The following AGFG1 variants were observed in gnomAD, a reference collection of about 807,000 sequenced individuals.
The protein encoded by AGFG1 is ArfGAP with FG repeats 1.
In AGFG1, 10 loss-of-function variants were observed where a neutral mutation model predicts 60.6. The ratio of observed to expected loss-of-function variants is 0.16; its 90% CI spans 0.10 to 0.28. The LOEUF (loss-of-function observed/expected upper bound fraction) is 0.28. Among genes scored for constraint, AGFG1 ranks in the 10% least tolerant of loss-of-function variants. The pLI is 1.00. For synonymous variants in AGFG1, 247 were observed against 242.9 expected (o/e 1.02, Z -0.16); for missense variants, 537 against 676.5 (o/e 0.79, Z 2.29).
At chr2:227,520,644 T>C (rs1049457347) in intron 3 of AGFG1, among the ~76,000 whole-genome samples, 2 of 152,228 alleles carry the variant, frequency 1.3e-5, no homozygotes, top group African/African-American at 4.8e-5. Context: ...GTTGTACATA[T>C]AGCTAGTAAG....
intron 2 of AGFG1, among the ~76,000 whole-genome samples, chr2:227,516,794 T>G (rs997987381): frequency 6.6e-6 from 1 of 152,192 alleles, no homozygotes. Flanking sequence ...TTAAAAGTGG[T>G]ATGTGGCAGA....
At chr2:227,521,061 C>G (rs1303580389) in intron 3 of AGFG1, among the ~76,000 whole-genome samples, 1 of 91,902 alleles carries the variant, frequency 1.1e-5, no homozygotes, top group Non-Finnish European at 2.2e-5. Context: ...CCAAAATAGA[C>G]TACATTTTTC....
intron 5 of AGFG1, among the ~76,000 whole-genome samples, chr2:227,529,462 A>G (rs1692098243): frequency 1.3e-5 from 2 of 152,118 alleles, no homozygotes; most frequent in South Asian, 4.1e-4. Flanking sequence ...TTGTAGGGAA[A>G]CTTTTTCTTT....
chr2:227,531,358 A>T, intron 6 of AGFG1, 148 bp downstream of exon 6: 2 of 939,986 alleles, frequency 2.1e-6, no homozygotes, highest in Non-Finnish European at 3.1e-6. Context: ...GGAAACCTGA[A>T]CTCTTTATTT....
chr2:227,500,319 A>C (rs1207602801), intron 2 of AGFG1, among the ~76,000 whole-genome samples: 1 of 152,144 alleles, frequency 6.6e-6, no homozygotes, highest in Admixed American at 6.5e-5. Flanking sequence ...CTTTCCAAGG[A>C]TGGAGTGTCT....
chr2:227,484,676 A>AGTTTCTTTTTT (rs1690565975), intron 1 of AGFG1, among the ~76,000 whole-genome samples: 1 of 99,520 alleles, frequency 1.0e-5, no homozygotes, highest in Non-Finnish European at 2.0e-5. Context: ...AAGATCTCTT[A>AGTTTCTTTTTT]GTTTTTTTTT....
rs1681204215 is a variant in AGFG1, at chr2:227,559,137, A to G, written c.*4642A>G. ...TATAGGGGTTGCACATTCAAGGCTTACACTGAATTCTGTCTGCAGTTCTGT... is the reference window on the plus strand; with the variant it reads ...TATAGGGGTTGCACATTCAAGGCTTGCACTGAATTCTGTCTGCAGTTCTGT... On this transcript the variant is annotated 3_prime_UTR_variant, in exon 13 of 13. Coordinates refer to ENST00000310078, the MANE Select transcript of AGFG1 (RefSeq NM_004504.5). 6.6e-6 allele frequency: 1 copy of G among 152,238 alleles called. No homozygotes were observed. The highest frequency in any genetic ancestry group is 2.4e-5 in the African/African-American group (1 of 41,470). 9.4% of individuals were successfully genotyped at this position (152,238 alleles called of 1,614,324 possible).
chr2:227,552,635 G>A (rs1230214960), intron 11 of AGFG1, among the ~76,000 whole-genome samples: 1 of 150,368 alleles, frequency 6.7e-6, no homozygotes, highest in East Asian at 1.9e-4. Context: ...GCATAGATTT[G>A]AAGATTCTTG....
intron 2 of AGFG1, among the ~76,000 whole-genome samples, chr2:227,494,135 T>G (rs558069406): frequency 1.3e-5 from 2 of 152,342 alleles, no homozygotes; most frequent in Non-Finnish European, 2.9e-5. Flanking sequence ...TTCTTTACAG[T>G]ATTAACAGTA....
rs1233432080 is a variant in AGFG1 at position 227,533,694 on chromosome 2, T to C, written c.960T>C (p.Gly320=). 9 of 1,613,730 alleles carry C rather than the reference T, an allele frequency of 5.6e-6. No individual in the cohort carries two copies. The highest frequency in any genetic ancestry group is 7.6e-6 in the Non-Finnish European group (9 of 1,179,844). ...GTAAAGTTTCAACGAACAAAGCTGG[T>C]TTACAGACTGCAGACAAATATGCAG... is the stretch of plus-strand genomic sequence containing the variant. ...AVSKVSTNKA[G]LQTADKYAAL... is the part of the protein sequence containing the mutation. The change falls in exon 7 of 13, where the codon GGT becomes GGC. Residue 320 remains glycine, a synonymous_variant. Transcript: ENST00000310078.
At chr2:227,530,968 A>G (rs1692139846) in intron 5 of AGFG1, 123 bp from the exon 6 acceptor site, 3 of 914,642 alleles carry the variant, frequency 3.3e-6, no homozygotes, top group Non-Finnish European at 4.6e-6. Context: ...TGCTAAGTGA[A>G]TTCTCTATAA....
chr2:227,517,598 G>C (rs2106201777), intron 2 of AGFG1, among the ~76,000 whole-genome samples: 1 of 152,246 alleles, frequency 6.6e-6, no homozygotes, highest in Non-Finnish European at 1.5e-5. Context: ...ACAGATTTGG[G>C]GACATGATAG....
At chr2:227,509,140 A>G (rs1377988681) in intron 2 of AGFG1, among the ~76,000 whole-genome samples, 2 of 152,212 alleles carry the variant, frequency 1.3e-5, no homozygotes, top group African/African-American at 4.8e-5. Context: ...ATACATTTTA[A>G]CCAAATAATC....
rs1693077508 is a variant in AGFG1 at position 227,559,577 on chromosome 2, A to G, written c.*5082A>G. On this transcript the variant is annotated 3_prime_UTR_variant, in exon 13 of 13. Coordinates refer to ENST00000310078, the MANE Select transcript of AGFG1 (RefSeq NM_004504.5). ...GAATGTTGTGATTTGAGCTTTTATA[A>G]AAAAAGATAAGTGATCCTAGATAAA... 1 of 152,158 alleles carries G rather than the reference A, an allele frequency of 6.6e-6. No individual in the cohort carries two copies. Among genetic ancestry groups the G allele is most frequent in the Admixed American group, 6.5e-5 (1 of 15,268 alleles). 9.4% of individuals were successfully genotyped at this position (152,158 alleles called of 1,614,324 possible). A position where few individuals can be genotyped will look rare whatever the true frequency, so the allele number is the denominator to read the frequency against.
At chr2:227,536,785 A>G (rs1470467571) in intron 9 of AGFG1, 81 bp downstream of exon 9, 1 of 1,565,394 alleles carries the variant, frequency 6.4e-7, no homozygotes, top group Non-Finnish European at 8.8e-7. Context: ...GAGTCAAAGC[A>G]ATGATTTGTT....
intron 10 of AGFG1, among the ~76,000 whole-genome samples, chr2:227,544,966 G>T (rs760351337): frequency 7.2e-5 from 11 of 152,072 alleles, no homozygotes; most frequent in South Asian, 2.1e-4. Context: ...GATTATCTTT[G>T]TGGTGTTCTC....
At chr2:227,535,377 A>T (rs1264988909) in intron 8 of AGFG1, among the ~76,000 whole-genome samples, 1 of 152,226 alleles carries the variant, frequency 6.6e-6, no homozygotes, top group African/African-American at 2.4e-5. Flanking sequence ...AGTCATGATG[A>T]TTAAACAGTG....
At chr2:227,526,495 C>T (rs187906745) in intron 5 of AGFG1, among the ~76,000 whole-genome samples, 2 of 150,254 alleles carry the variant, frequency 1.3e-5, no homozygotes, top group Admixed American at 1.3e-4. Flanking sequence ...ACCTTGGCCT[C>T]CCAAAGTGCT....
At chr2:227,532,613 GT>G (rs1448500390) in intron 6 of AGFG1, among the ~76,000 whole-genome samples, 1 of 151,696 alleles carries the variant, frequency 6.6e-6, no homozygotes, top group South Asian at 2.1e-4. Context: ...AAGTGTTCGT[GT>G]TTTTTTAATA....
Sources: allele counts gnomAD v4.1 joint callset (sites outside exome capture counted in the v4.1 genomes callset), GRCh38; gene constraint gnomAD v4.1.1; transcripts MANE v1.5; gene names NCBI Gene and HGNC (gene_info 2026-07-23, HGNC 2026-07-21).